RBM33: variants seen among roughly 807,000 people sequenced by gnomAD.
RBM33 encodes RNA binding motif protein 33.
Under a neutral mutation model 132.6 loss-of-function variants are expected in RBM33, and 28 were observed. That is an observed-to-expected ratio of 0.21 (90% CI 0.16 to 0.29). The LOEUF is 0.29. RBM33 is among the 10% of genes least tolerant of loss of function. RBM33 has a pLI of 1.00. For synonymous variants in RBM33, 634 were observed against 593.0 expected, an observed-to-expected ratio of 1.07 and a Z score of -1.01; for missense variants, 1,291 against 1,518.5, an observed-to-expected ratio of 0.85 and a Z score of 2.49.
At chr7:155,743,599 T>C (rs900557039) in intron 13 of RBM33, among the ~76,000 whole-genome samples, 1 of 152,236 alleles carries the variant, frequency 6.6e-6, no homozygotes, top group African/African-American at 2.4e-5. Flanking sequence ...ATATATTTTT[T>C]TACTTTTTAG....
intron 1 of RBM33, among the ~76,000 whole-genome samples, chr7:155,657,006 C>A (rs1325164724): frequency 1.3e-5 from 2 of 150,680 alleles, no homozygotes; most frequent in Non-Finnish European, 2.9e-5. Flanking sequence ...TAGAACAGTG[C>A]CTGGCATATA....
rs143097290 is a variant in RBM33, at chr7:155,652,130, A to C, written c.43+7211A>C. Among the ~76,000 whole-genome samples the C allele has an allele frequency of 8.2e-4, 125 of 152,346 alleles. 1 individual carries two copies. Among genetic ancestry groups the C allele is most frequent in the African/African-American group, 2.7e-3 (114 of 41,588 alleles). ...ATCTATAAAATAAGGAATTTTGACT[A>C]TTAGTGATTTGGACTAGGAACATAT... is the stretch of plus-strand genomic sequence containing the variant. On this transcript the variant is annotated intron_variant, in intron 1 of 17. Transcript: ENST00000401878.
intron 1 of RBM33, among the ~76,000 whole-genome samples, chr7:155,648,623 CTT>C (rs60181743): frequency 2.1e-4 from 31 of 150,128 alleles, no homozygotes; most frequent in African/African-American, 7.6e-4. Context: ...GTATTTAATT[CTT>C]TTTTTTTTTC....
At chr7:155,682,140 C>T (rs1329821825) in intron 5 of RBM33, among the ~76,000 whole-genome samples, 6 of 152,128 alleles carry the variant, frequency 3.9e-5, no homozygotes, top group East Asian at 1.9e-4. Context: ...AAGCTGATCT[C>T]GAACTCTTGA....
chr7:155,714,862 T>A (rs1048525927), intron 8 of RBM33, among the ~76,000 whole-genome samples: 1 of 152,062 alleles, frequency 6.6e-6, no homozygotes, highest in African/African-American at 2.4e-5. Flanking sequence ...TGAGAAGTAT[T>A]ATGAAGTTGT....
At chr7:155,702,202 T>G (rs563403654) in intron 6 of RBM33, among the ~76,000 whole-genome samples, 21 of 152,364 alleles carry the variant, frequency 1.4e-4, no homozygotes, top group Non-Finnish European at 2.9e-4. Context: ...GTCTTTTTTT[T>G]GTCCAAAACA....
At chr7:155,676,149 A>G (rs1462187994) in intron 3 of RBM33, among the ~76,000 whole-genome samples, 1 of 152,214 alleles carries the variant, frequency 6.6e-6, no homozygotes, top group African/African-American at 2.4e-5. Flanking sequence ...TAAGGCGCAG[A>G]TAGCCCGAGG....
intron 9 of RBM33, among the ~76,000 whole-genome samples, chr7:155,727,847 G>C (rs1800836862): frequency 6.6e-6 from 1 of 152,184 alleles, no homozygotes. Flanking sequence ...CTCGCTGCAG[G>C]CCCGGCTTCC....
intron 9 of RBM33, among the ~76,000 whole-genome samples, chr7:155,725,311 AGT>A (rs1399998720): frequency 1.3e-5 from 2 of 150,524 alleles, no homozygotes; most frequent in African/African-American, 4.9e-5. Context: ...TATATTCCAC[AGT>A]GTGTTCAGCC....
chr7:155,711,668 C>T (rs910780436), intron 8 of RBM33, among the ~76,000 whole-genome samples: 4 of 152,164 alleles, frequency 2.6e-5, no homozygotes, highest in African/African-American at 9.7e-5. Flanking sequence ...GGGGGAGCTG[C>T]GGTTCCCAGC....
At chr7:155,645,840 T>C (rs1278567949) in intron 1 of RBM33, among the ~76,000 whole-genome samples, 3 of 152,230 alleles carry the variant, frequency 2.0e-5, no homozygotes, top group Admixed American at 2.0e-4. Context: ...TAGTAAATGC[T>C]AGCAGATGGT....
At chr7:155,723,325 C>T (rs568327544) in intron 9 of RBM33, among the ~76,000 whole-genome samples, 1 of 152,304 alleles carries the variant, frequency 6.6e-6, no homozygotes, top group South Asian at 2.1e-4. Flanking sequence ...TTATAATTAC[C>T]AGCACTTAAG....
At chr7:155,677,836 T>A (rs1799226368) in intron 3 of RBM33, among the ~76,000 whole-genome samples, 1 of 152,214 alleles carries the variant, frequency 6.6e-6, no homozygotes, top group Non-Finnish European at 1.5e-5. Context: ...AATGACAGTG[T>A]GTGTGTGGCT....
chr7:155,729,846 T>C (rs1316869), intron 9 of RBM33, among the ~76,000 whole-genome samples: 2,274 of 152,230 alleles, frequency 0.015, 53 homozygotes, highest in African/African-American at 0.052. Flanking sequence ...TTCTGTTTGG[T>C]CCTTGTGCAC....
At chr7:155,650,922 TG>T (rs1798337391) in intron 1 of RBM33, among the ~76,000 whole-genome samples, 1 of 152,208 alleles carries the variant, frequency 6.6e-6, no homozygotes, top group African/African-American at 2.4e-5. Flanking sequence ...TCGCCCAGGC[TG>T]GAGTGTTGTA....
chr7:155,693,332 C>CTTTTTTTTTTTTTTTTT (rs11417256), intron 5 of RBM33, among the ~76,000 whole-genome samples: 2 of 146,716 alleles, frequency 1.4e-5, no homozygotes. Context: ...ATTTTTTTTT[C>CTTTTTTTTTTTTTTTTT]TTTTTTTTTT....
chr7:155,753,400 C>G (rs1433556083), intron 14 of RBM33, among the ~76,000 whole-genome samples: 1 of 152,234 alleles, frequency 6.6e-6, no homozygotes, highest in African/African-American at 2.4e-5. Context: ...GGCAGAGCCT[C>G]CACCTTGTGA....
chr7:155,666,444 T>C (rs1289981308), intron 2 of RBM33, among the ~76,000 whole-genome samples: 1 of 152,230 alleles, frequency 6.6e-6, no homozygotes, highest in Non-Finnish European at 1.5e-5. Flanking sequence ...TCATGGACTT[T>C]CACAGAAATA....
intron 3 of RBM33, among the ~76,000 whole-genome samples, chr7:155,673,211 AGT>A (rs1798993217): frequency 6.6e-6 from 1 of 152,144 alleles, no homozygotes; most frequent in Non-Finnish European, 1.5e-5. Flanking sequence ...CATAACAGAA[AGT>A]CACATTTGGA....
Sources: gnomAD v4.1 joint callset for allele counts (sites outside exome capture counted in the v4.1 genomes callset) on GRCh38, gnomAD v4.1.1 for gene constraint, MANE v1.5 for transcripts, NCBI Gene and HGNC (gene_info 2026-07-23, HGNC 2026-07-21) for gene names.